Variants in C9orf85 observed in about 807,000 individuals in gnomAD.
C9orf85 encodes uncharacterized protein C9orf85.
A neutral mutation model predicts 14.9 loss-of-function variants in C9orf85; 16 were observed. The observed-to-expected ratio is 1.08, with a 90% CI of 0.73 to 1.63. The LOEUF (loss-of-function observed/expected upper bound fraction) is 1.63. Among genes scored for constraint, C9orf85 ranks in the 40% most tolerant of loss-of-function variants. The pLI is 0.00. For synonymous variants in C9orf85, 45 were observed against 56.8 expected, an observed-to-expected ratio of 0.79 and a Z score of 0.93; for missense variants, 172 against 186.1, an observed-to-expected ratio of 0.92 and a Z score of 0.44.
intron 1 of C9orf85, chr9:71,912,074 C>A: frequency 1.9e-6 from 1 of 526,582 alleles, no homozygotes; most frequent in Non-Finnish European, 3.5e-6. Flanking sequence ...ACAGAGTGAA[C>A]AGGACCCTAA....
At chr9:71,963,855 C>G (rs1822602887) in intron 2 of C9orf85, among the ~76,000 whole-genome samples, 1 of 152,180 alleles carries the variant, frequency 6.6e-6, no homozygotes, top group Non-Finnish European at 1.5e-5. Flanking sequence ...CCTGAGCCTC[C>G]CCTACCAGCG....
At chr9:71,981,633 T>A (rs1823097837) in intron 3 of C9orf85, among the ~76,000 whole-genome samples, 1 of 152,222 alleles carries the variant, frequency 6.6e-6, no homozygotes, top group Non-Finnish European at 1.5e-5. Context: ...TATTTTTATA[T>A]GTAGTAGATG....
chr9:71,977,427 T>C (rs1823025161), downstream of C9orf85, among the ~76,000 whole-genome samples: 1 of 152,220 alleles, frequency 6.6e-6, no homozygotes, highest in South Asian at 2.1e-4. Flanking sequence ...GGCTTATCAA[T>C]TTGGTTGTTT....
chr9:71,922,856 G>A (rs141214933), intron 1 of C9orf85, among the ~76,000 whole-genome samples: 82 of 152,116 alleles, frequency 5.4e-4, no homozygotes, highest in African/African-American at 1.9e-3. Flanking sequence ...TGGGCCAGGC[G>A]TCATGGCTCA....
chr9:71,922,086 G>A (rs946528024), intron 1 of C9orf85, among the ~76,000 whole-genome samples: 15 of 151,800 alleles, frequency 9.9e-5, no homozygotes, highest in African/African-American at 3.4e-4. Flanking sequence ...GATTACAGTC[G>A]CCCACCACAG....
intron 1 of C9orf85, among the ~76,000 whole-genome samples, chr9:71,946,373 G>A (rs1564091512): frequency 1.3e-5 from 2 of 152,008 alleles, no homozygotes; most frequent in African/African-American, 4.8e-5. Context: ...TATGAGCAAG[G>A]TTTTCTTTTC....
intron 1 of C9orf85, among the ~76,000 whole-genome samples, chr9:71,925,392 C>T (rs574762030): frequency 2.0e-5 from 3 of 152,234 alleles, no homozygotes; most frequent in Admixed American, 2.0e-4. Context: ...TGTTGGTACA[C>T]GCCTATAATC....
intron 2 of C9orf85, among the ~76,000 whole-genome samples, chr9:71,958,927 C>T (rs1822444222): frequency 6.6e-6 from 1 of 152,120 alleles, no homozygotes; most frequent in Admixed American, 6.6e-5. Flanking sequence ...CTTGGATCTT[C>T]ATTCTGAAGG....
At chr9:71,928,341 A>C (rs992365027) in intron 1 of C9orf85, among the ~76,000 whole-genome samples, 2 of 152,182 alleles carry the variant, frequency 1.3e-5, no homozygotes, top group African/African-American at 4.8e-5. Context: ...TCTTATTTTA[A>C]ACACTATTTT....
At chr9:71,970,870 A>G (rs184390565) in intron 2 of C9orf85, among the ~76,000 whole-genome samples, 3 of 143,572 alleles carry the variant, frequency 2.1e-5, no homozygotes, top group East Asian at 4.1e-4. Flanking sequence ...ACTCTTGCCC[A>G]GGCTGAAGTA....
chr9:71,917,889 G>C (rs1305576432), intron 1 of C9orf85, among the ~76,000 whole-genome samples: 14 of 152,112 alleles, frequency 9.2e-5, no homozygotes, highest in Admixed American at 7.9e-4. Flanking sequence ...AACAAACAAA[G>C]AAAACCAAGA....
chr9:71,964,169 C>T (rs1281238259), intron 2 of C9orf85, among the ~76,000 whole-genome samples: 1 of 151,866 alleles, frequency 6.6e-6, no homozygotes, highest in Non-Finnish European at 1.5e-5. Context: ...CTGTATCTAG[C>T]TAATCTGGTG....
Position 71,971,609 on chromosome 9 carries a change from T to A in C9orf85, c.314T>A (p.Ile105Asn), listed in dbSNP as rs1822868774. The A allele has an allele frequency of 6.2e-7, 1 of 1,600,054 alleles. No individual in the cohort carries two copies. Among genetic ancestry groups the A allele is most frequent in the Non-Finnish European group, 8.6e-7 (1 of 1,168,388 alleles). The change falls in exon 3 of 4, where the codon ATT becomes AAT. Residue 105 changes from isoleucine to asparagine, a missense_variant. Ile to Asn is a moderately radical substitution (Grantham distance 149, BLOSUM62 -3). Transcript: ENST00000334731. ...VCAKCGKKED[I>N]VIPLNKETEK... ...GCAAAATGTGGAAAGAAAGAAGACA[T>A]TGTTATTCCGTGAGTGTTTCCTTTT...
At chr9:71,985,500 C>T (rs568045175), downstream of C9orf85, 10 of 152,368 alleles carry the variant, frequency 6.6e-5, no homozygotes, top group Non-Finnish European at 1.3e-4. Context: ...CTGAAACATA[C>T]TCTGTGGGCG....
At chr9:71,980,904 A>G (rs1823085772) in intron 3 of C9orf85, among the ~76,000 whole-genome samples, 1 of 152,226 alleles carries the variant, frequency 6.6e-6, no homozygotes, top group African/African-American at 2.4e-5. Context: ...TGTTTCATAA[A>G]TAATTTGGAA....
intron 1 of C9orf85, among the ~76,000 whole-genome samples, chr9:71,928,513 G>A (rs1827985990): frequency 1.3e-5 from 2 of 152,120 alleles, no homozygotes; most frequent in African/African-American, 4.8e-5. Flanking sequence ...TAAAGAGATG[G>A]TCATGATACA....
In C9orf85 at chr9:71,915,182, T is replaced by C. The variant is rs983435112; in HGVS notation, c.102+3346T>C. 2.0e-3 allele frequency among the ~76,000 whole-genome samples: 30 copies of C among 14,732 alleles called. No individual in the cohort carries two copies. The Non-Finnish European group carries it at 0.025, about 12-fold the overall frequency. The allele number at this position is 14,732 out of a possible 152,430, so 9.7% of individuals were successfully genotyped here. On this transcript the variant is annotated intron_variant, in intron 1 of 3. Transcript: ENST00000334731. ...AGATCATTACAAAAATTATTATTATTATTTTTTTTTTTTTTTTGAGACAGA... is the reference window on the plus strand; with the variant it reads ...AGATCATTACAAAAATTATTATTATCATTTTTTTTTTTTTTTTGAGACAGA...
chr9:71,972,650 A>G (rs1335959485), intron 3 of C9orf85, 42 bp from the exon 4 acceptor site: 11 of 1,433,910 alleles, frequency 7.7e-6, no homozygotes, highest in East Asian at 2.3e-5. Context: ...TTAAATAATG[A>G]TAGCCTGGGA....
chr9:71,971,124 G>A lies in C9orf85; in HGVS notation c.210-381G>A, dbSNP rs969864477. 3.3e-5 allele frequency among the ~76,000 whole-genome samples: 5 copies of A among 152,118 alleles called. No homozygotes were observed. The South Asian group carries it at 1.0e-3, about 32-fold the overall frequency. On this transcript the variant is annotated intron_variant, in intron 2 of 3. Coordinates refer to ENST00000334731, the MANE Select transcript of C9orf85 (RefSeq NM_182505.5). ...ATAGTTAGGTCTTTAGTTTCTTTCA[G>A]TGATGTTTTGTAATTTTCAGTGTAT...
Sources: gnomAD v4.1 joint callset for allele counts (sites outside exome capture counted in the v4.1 genomes callset) on GRCh38, gnomAD v4.1.1 for gene constraint, MANE v1.5 for transcripts, NCBI Gene and HGNC (gene_info 2026-07-23, HGNC 2026-07-21) for gene names.